Variants in ZNF385B observed in about 807,000 individuals in gnomAD.
ZNF385B encodes zinc finger protein 385B.
ZNF385B carries 23 observed loss-of-function variants against 39.2 expected under a neutral mutation model. The ratio of observed to expected loss-of-function variants is 0.59; its 90% confidence interval spans 0.42 to 0.83. ZNF385B has a LOEUF of 0.83. Among genes scored for constraint, ZNF385B ranks in the 40% least tolerant of loss-of-function variants. The pLI is 0.00. For synonymous variants in ZNF385B, 205 were observed against 222.6 expected (o/e 0.92, Z 0.70); for missense variants, 552 against 598.9 (o/e 0.92, Z 0.82).
At chr2:179,468,678 A>G (rs1468987123) in intron 6 of ZNF385B, among the ~76,000 whole-genome samples, 1 of 152,228 alleles carries the variant, frequency 6.6e-6, no homozygotes, top group East Asian at 1.9e-4. Flanking sequence ...TTCAGAAAAC[A>G]GCAAAGGGTT....
chr2:179,806,926 T>C (rs1009133395), intron 1 of ZNF385B, among the ~76,000 whole-genome samples: 1 of 152,180 alleles, frequency 6.6e-6, no homozygotes. Flanking sequence ...TTTAAAAGTC[T>C]AACAATGAAT....
At chr2:179,847,123 C>T (rs1335139496) in intron 1 of ZNF385B, among the ~76,000 whole-genome samples, 2 of 152,198 alleles carry the variant, frequency 1.3e-5, no homozygotes, top group African/African-American at 4.8e-5. Flanking sequence ...AAATTGGGTG[C>T]CACTGCTTCT....
At chr2:179,720,925 G>GTTTTTTTTTTTT (rs56131510) in intron 3 of ZNF385B, among the ~76,000 whole-genome samples, 2 of 70,134 alleles carry the variant, frequency 2.9e-5, no homozygotes, top group Non-Finnish European at 5.3e-5. Flanking sequence ...ATGCCTGGCT[G>GTTTTTTTTTTTT]TTTTTTTTTT....
At chr2:179,806,993 G>T (rs1706392638) in intron 1 of ZNF385B, among the ~76,000 whole-genome samples, 1 of 152,148 alleles carries the variant, frequency 6.6e-6, no homozygotes. Context: ...TTATAAATTG[G>T]TACAAACACT....
chr2:179,777,773 T>TTG (rs1553532036), intron 1 of ZNF385B, among the ~76,000 whole-genome samples: 2 of 151,770 alleles, frequency 1.3e-5, no homozygotes, highest in East Asian at 3.9e-4. Flanking sequence ...CAAGAGGTTT[T>TTG]TTTTTTTTTT....
chr2:179,559,565 C>G (rs1426327496), intron 3 of ZNF385B, among the ~76,000 whole-genome samples: 1 of 152,098 alleles, frequency 6.6e-6, no homozygotes, highest in Non-Finnish European at 1.5e-5. Context: ...TTGTACTAGA[C>G]TTTCTTACAT....
At chr2:179,598,028 A>G (rs1688128339) in intron 3 of ZNF385B, among the ~76,000 whole-genome samples, 2 of 152,344 alleles carry the variant, frequency 1.3e-5, no homozygotes, top group South Asian at 2.1e-4. Context: ...TATAATTGCC[A>G]TGGTAATTAC....
chr2:179,600,564 T>C (rs1688334955), intron 3 of ZNF385B, among the ~76,000 whole-genome samples: 1 of 152,180 alleles, frequency 6.6e-6, no homozygotes, highest in African/African-American at 2.4e-5. Flanking sequence ...TATCCATTTC[T>C]ATATCTTCTG....
chr2:179,652,209 T>C (rs1276286441), intron 3 of ZNF385B, among the ~76,000 whole-genome samples: 1 of 152,152 alleles, frequency 6.6e-6, no homozygotes, highest in African/African-American at 2.4e-5. Flanking sequence ...AGGAAAACTT[T>C]TTCATGATGT....
intron 1 of ZNF385B, among the ~76,000 whole-genome samples, chr2:179,827,441 C>A (rs1707739594): frequency 6.6e-6 from 1 of 152,054 alleles, no homozygotes; most frequent in African/African-American, 2.4e-5. Context: ...GATTTCATAA[C>A]AACACAAATA....
chr2:179,705,939 T>C (rs1699561346), intron 3 of ZNF385B, among the ~76,000 whole-genome samples: 1 of 152,222 alleles, frequency 6.6e-6, no homozygotes, highest in South Asian at 2.1e-4. Flanking sequence ...CCTCTCTCTG[T>C]CCCCTTTCTC....
chr2:179,661,875 A>G (rs961752875), intron 3 of ZNF385B, among the ~76,000 whole-genome samples: 1 of 152,234 alleles, frequency 6.6e-6, no homozygotes, highest in African/African-American at 2.4e-5. Flanking sequence ...TGAATCACAT[A>G]AATGACATCA....
chr2:179,644,383 G>T (rs1692530992), intron 3 of ZNF385B, among the ~76,000 whole-genome samples: 1 of 152,062 alleles, frequency 6.6e-6, no homozygotes, highest in African/African-American at 2.4e-5. Flanking sequence ...CTGTCATATA[G>T]CTAGATCGCA....
intron 3 of ZNF385B, among the ~76,000 whole-genome samples, chr2:179,730,662 AC>A (rs1701328852): frequency 6.6e-6 from 1 of 152,230 alleles, no homozygotes; most frequent in Non-Finnish European, 1.5e-5. Flanking sequence ...CTACTTCTAT[AC>A]TGATAAATAA....
intron 1 of ZNF385B, among the ~76,000 whole-genome samples, chr2:179,845,697 A>C (rs547136982): frequency 1.2e-4 from 18 of 152,346 alleles, no homozygotes; most frequent in Admixed American, 5.9e-4. Flanking sequence ...GATGGTCACG[A>C]TAGGAAACTG....
At chr2:179,689,874 A>G (rs938765058) in intron 3 of ZNF385B, among the ~76,000 whole-genome samples, 3 of 151,418 alleles carry the variant, frequency 2.0e-5, no homozygotes, top group African/African-American at 7.3e-5. Context: ...CCTGATGTCA[A>G]TGAATTAGCT....
In ZNF385B at chr2:179,518,604, G is replaced by T. The variant is rs1388029777; in HGVS notation, c.476C>A (p.Thr159Lys). Residue 159 changes from threonine (T) to lysine (K), a missense_variant, in exon 5 of 10, where the codon ACA becomes AAA. Thr to Lys is a moderately conservative substitution (Grantham distance 78). Transcript: ENST00000410066. ...CTTTGGGGGAATGGATACTCCAAAT[G>T]TATGGTTAATAACCGCTTTTTGCAC... is the stretch of plus-strand genomic sequence containing the variant. ...DPVQKAVINHTFGVSIPPKKK... is the reference protein window; with the variant it reads ...DPVQKAVINHKFGVSIPPKKK... 1.9e-6 allele frequency: 3 copies of T among 1,605,100 alleles called. No individual in the cohort carries two copies. The highest frequency in any genetic ancestry group is 2.2e-5 in the South Asian group (2 of 89,266).
chr2:179,483,376 T>C lies in ZNF385B; in HGVS notation c.611A>G (p.Asp204Gly). The change falls in exon 6 of 10, where the codon GAC (aspartate) becomes GGC (glycine). Residue 204 changes from aspartate (D) to glycine (G), a missense_variant. Transcript: ENST00000410066. ...SKHAKKVKAL[D>G]ATKNKPKMVP... ...CATTTTGGGTTTATTTTTCGTTGCG[T>C]CTAGTGCTTTGACCTTCTTGGCATG... 1 of 1,614,066 alleles carries C rather than the reference T, an allele frequency of 6.2e-7. No individual in the cohort carries two copies. Among genetic ancestry groups the C allele is most frequent in the Non-Finnish European group, 8.5e-7 (1 of 1,179,950 alleles).
At chr2:179,668,015 A>G (rs1426568626) in intron 3 of ZNF385B, among the ~76,000 whole-genome samples, 2 of 152,212 alleles carry the variant, frequency 1.3e-5, no homozygotes, top group African/African-American at 4.8e-5. Flanking sequence ...CTTTTCACGT[A>G]TCTAGACTTA....
Sources: allele counts gnomAD v4.1 joint callset (sites outside exome capture counted in the v4.1 genomes callset), GRCh38; gene constraint gnomAD v4.1.1; transcripts MANE v1.5; gene names NCBI Gene and HGNC (gene_info 2026-07-23, HGNC 2026-07-21).